The following CHD1 variants were observed in gnomAD, a reference collection of about 807,000 sequenced individuals.
CHD1 encodes ATP-dependent chromatin remodeler CHD1.
Under a neutral mutation model 224.2 loss-of-function variants are expected in CHD1, and 36 were observed. The ratio of observed to expected loss-of-function variants is 0.16; its 90% CI spans 0.12 to 0.21. CHD1 has a LOEUF of 0.21. Ranked by LOEUF, CHD1 falls within the 10% of genes least tolerant of loss-of-function variation. The pLI, the probability that CHD1 is intolerant of heterozygous loss-of-function variation, is 1.00. For missense variants in CHD1, 1,378 were observed against 1,994.8 expected, an observed-to-expected ratio of 0.69 and a Z score of 5.89; for synonymous variants, 668 against 658.3, an observed-to-expected ratio of 1.01 and a Z score of -0.23.
chr5:98,893,111 T>C (rs976366349), intron 14 of CHD1, among the ~76,000 whole-genome samples: 4 of 152,184 alleles, frequency 2.6e-5, no homozygotes, highest in African/African-American at 9.6e-5. Flanking sequence ...CACCTCATTG[T>C]TGTTACTCCT....
At position 98,868,542 on chromosome 5, in the gene CHD1, G is replaced by A; in HGVS notation, c.4201C>T (p.Pro1401Ser). 1.2e-6 allele frequency: 2 copies of A among 1,612,552 alleles called. No homozygotes were observed. Among genetic ancestry groups the A allele is most frequent in the South Asian group, 1.1e-5 (1 of 90,646 alleles). The change falls in exon 31 of 36, where the codon CCC (proline) becomes TCC (serine). Residue 1401 changes from proline (P) to serine (S), a missense_variant. Physicochemically the swap from Pro to Ser is moderately conservative, Grantham distance 74. This residue lies in a region of CHD1 where 105 missense variants were observed against 93.4 expected (regional missense o/e 1.12). Transcript: ENST00000614616. ...AGCTCTTCAGATTCTTCAGAAATGGGAACTGGTTCACCACTTGCCGTGATA... is the reference window on the plus strand; with the variant it reads ...AGCTCTTCAGATTCTTCAGAAATGGAAACTGGTTCACCACTTGCCGTGATA... ...VHITASGEPV[P>S]ISEESEELDQ...
chr5:98,897,345 T>C lies in CHD1; in HGVS notation c.1366-25A>G, dbSNP rs201570404. The stretch of plus-strand genomic sequence containing the variant: ...CCTTTAGTAGAAATAAACATTATTA[T>C]GTAGAGTTATTAAATATAAGAAATT... On this transcript the variant is annotated intron_variant, in intron 10 of 35. Coordinates refer to ENST00000614616, the MANE Select transcript of CHD1 (RefSeq NM_001270.4). The C allele has an allele frequency of 2.6e-5, 39 of 1,476,116 alleles. No homozygotes were observed. In the Admixed American group the frequency reaches 2.7e-4, roughly 10 times the overall value. 91.4% of individuals were successfully genotyped at this position (1,476,116 alleles called of 1,614,324 possible). A position where few individuals can be genotyped will look rare whatever the true frequency, so the allele number is the denominator to read the frequency against.
At chr5:98,887,588 T>C (rs1488360466) in intron 17 of CHD1, among the ~76,000 whole-genome samples, 1 of 152,166 alleles carries the variant, frequency 6.6e-6, no homozygotes, top group Non-Finnish European at 1.5e-5. Flanking sequence ...TGAACTTCAA[T>C]ATAAATTTTG....
chr5:98,876,295 C>A (rs1240140330), intron 24 of CHD1, 103 bp downstream of exon 24: 8 of 1,186,524 alleles, frequency 6.7e-6, no homozygotes, highest in African/African-American at 1.5e-5. Flanking sequence ...AGATTTGCCT[C>A]TTCTAAAACT....
rs536465162 is a variant in CHD1, at chr5:98,884,166, C to T, written c.2569-929G>A. ...TCGGTTCACTGCAAGCTCCGCCTCCCGGGTTCACACCATTCTCCTGCTTCA... is the reference window on the plus strand; with the variant it reads ...TCGGTTCACTGCAAGCTCCGCCTCCTGGGTTCACACCATTCTCCTGCTTCA... On this transcript the variant is annotated intron_variant, in intron 18 of 35. Coordinates refer to ENST00000614616, the MANE Select transcript of CHD1 (RefSeq NM_001270.4). 8.0e-5 allele frequency among the ~76,000 whole-genome samples: 12 copies of T among 149,136 alleles called. No homozygotes were observed. The South Asian group carries it at 8.6e-4, about 11-fold the overall frequency.
chr5:98,891,210 A>G (rs1751001588), intron 15 of CHD1, among the ~76,000 whole-genome samples: 1 of 152,032 alleles, frequency 6.6e-6, no homozygotes, highest in South Asian at 2.1e-4. Flanking sequence ...AGCAGCTGGG[A>G]CCACATGCAC....
rs1369958539 is a variant in CHD1 at position 98,893,481 on chromosome 5, A to G, written c.1926T>C (p.Thr642=). The change falls in exon 14 of 36, where the codon ACT becomes ACC. Residue 642 remains threonine (T), a synonymous_variant. Coordinates refer to ENST00000614616, the MANE Select transcript of CHD1 (RefSeq NM_001270.4). ...TGAGGGAATTCTGTAGAGGAGTTCC[A>G]GTGATAAGGAGACGATGATTGGATT... ...DFKSNHRLLI[T]GTPLQNSLKE... is the part of the protein sequence containing the mutation. 1 of 1,611,510 alleles carries G rather than the reference A, an allele frequency of 6.2e-7. No individual in the cohort carries two copies. Among genetic ancestry groups the G allele is most frequent in the Non-Finnish European group, 8.5e-7 (1 of 1,178,296 alleles).
intron 2 of CHD1, among the ~76,000 whole-genome samples, chr5:98,916,317 A>C (rs1444879864): frequency 1.3e-5 from 2 of 152,084 alleles, no homozygotes; most frequent in Non-Finnish European, 2.9e-5. Context: ...AGGCCAAGGC[A>C]GGTGGACCAC....
chr5:98,882,782 A>C (rs75477351), intron 19 of CHD1, among the ~76,000 whole-genome samples: 4,145 of 152,342 alleles, frequency 0.027, 84 homozygotes, highest in South Asian at 0.058. Context: ...CTCCCTTTCA[A>C]GTTAAAATAA....
intron 29 of CHD1, 99 bp downstream of exon 29, chr5:98,870,585 TATA>T: frequency 1.8e-6 from 1 of 541,800 alleles, no homozygotes. Flanking sequence ...AAAATCCATT[TATA>T]TAAGCTCATA....
chr5:98,917,061 A>G (rs1580521380), intron 2 of CHD1, among the ~76,000 whole-genome samples: 1 of 152,168 alleles, frequency 6.6e-6, no homozygotes, highest in Non-Finnish European at 1.5e-5. Flanking sequence ...GTAGGAATTT[A>G]GAATGTTACT....
chr5:98,903,733 A>C, intron 4 of CHD1, 59 bp downstream of exon 4: 1 of 1,076,514 alleles, frequency 9.3e-7, no homozygotes, highest in Non-Finnish European at 1.4e-6. Context: ...CACAAATACT[A>C]GTTAACTGAT....
intron 2 of CHD1, among the ~76,000 whole-genome samples, chr5:98,921,024 T>C (rs546261613): frequency 6.6e-6 from 1 of 152,226 alleles, no homozygotes; most frequent in East Asian, 1.9e-4. Flanking sequence ...AATCCAAGTA[T>C]AGAGTTTAGG....
In CHD1 at chr5:98,889,363, T is replaced by C. The variant is rs553279962; in HGVS notation, c.2181-125A>G. ...AAGTAAAACTGTACCGTTATAAAATTCACAGCTGTATATACAACGGACCAA... is the reference window on the plus strand; with the variant it reads ...AAGTAAAACTGTACCGTTATAAAATCCACAGCTGTATATACAACGGACCAA... On this transcript the variant is annotated intron_variant, in intron 15 of 35. Coordinates refer to ENST00000614616, the MANE Select transcript of CHD1 (RefSeq NM_001270.4). 57 of 664,518 alleles carry C rather than the reference T, an allele frequency of 8.6e-5. No individual in the cohort carries two copies. In the Middle Eastern group the frequency reaches 3.2e-3, roughly 38 times the overall value. 41.2% of individuals were successfully genotyped at this position (664,518 alleles called of 1,614,324 possible). A position where few individuals can be genotyped will look rare whatever the true frequency, so the allele number is the denominator to read the frequency against.
At chr5:98,894,314 G>A (rs950474616) in intron 13 of CHD1, among the ~76,000 whole-genome samples, 2 of 152,078 alleles carry the variant, frequency 1.3e-5, no homozygotes. Context: ...GGTTTCATTC[G>A]ATTGAGTTGG....
chr5:98,881,765 G>A (rs765747536), intron 20 of CHD1, among the ~76,000 whole-genome samples: 1 of 152,064 alleles, frequency 6.6e-6, no homozygotes, highest in Non-Finnish European at 1.5e-5. Flanking sequence ...GCATAGAAGT[G>A]AAAGAGATTA....
chr5:98,908,268 T>G (rs1752175255), intron 2 of CHD1, among the ~76,000 whole-genome samples: 1 of 152,166 alleles, frequency 6.6e-6, no homozygotes, highest in African/African-American at 2.4e-5. Flanking sequence ...ATTATGTAAT[T>G]TTTTGAGTCC....
At position 98,893,593 on chromosome 5, in the gene CHD1, C is replaced by T. The variant is rs202117505; in HGVS notation, c.1814G>A (p.Gly605Asp). 36 of 1,589,846 alleles carry T rather than the reference C, an allele frequency of 2.3e-5. No individual in the cohort carries two copies. The highest frequency in any genetic ancestry group is 2.9e-5 in the Non-Finnish European group (34 of 1,169,638). Reference sequence around the variant, plus strand: ...AACACCTATAAATGCCCAATTTAGACCTCCAAGGAATGCCTTAAAATAATA... The same window carrying T: ...AACACCTATAAATGCCCAATTTAGATCTCCAAGGAATGCCTTAAAATAATA... Reference protein sequence around the residue: ...ILLKDKAFLGGLNWAFIGVDE... With the variant: ...ILLKDKAFLGDLNWAFIGVDE... Residue 605 changes from glycine to aspartate, a missense_variant, in exon 14 of 36, where the codon GGT becomes GAT. By Grantham distance (94) the Gly-to-Asp change is moderately conservative. Coordinates refer to ENST00000614616, the MANE Select transcript of CHD1 (RefSeq NM_001270.4).
intron 2 of CHD1, among the ~76,000 whole-genome samples, chr5:98,923,043 G>GT (rs1012274676): frequency 3.9e-5 from 6 of 151,904 alleles, no homozygotes; most frequent in South Asian, 2.1e-4. Flanking sequence ...AGAAACTTTA[G>GT]TTTTTTTTGC....
Sources: gnomAD v4.1 joint callset for allele counts (sites outside exome capture counted in the v4.1 genomes callset) on GRCh38, gnomAD v4.1.1 for gene constraint, gnomAD v4.1.1 regional missense constraint, MANE v1.5 for transcripts, NCBI Gene and HGNC (gene_info 2026-07-23, HGNC 2026-07-21) for gene names.